The following MYOZ2 variants were observed in gnomAD, a reference collection of about 807,000 sequenced individuals.
The protein encoded by MYOZ2 is myozenin-2.
MYOZ2 carries 19 observed loss-of-function variants against 25.4 expected under a neutral mutation model. The ratio of observed to expected loss-of-function variants is 0.75; its 90% CI spans 0.52 to 1.10. MYOZ2 has a LOEUF of 1.10. Ranked by LOEUF, MYOZ2 falls within the 50% of genes least tolerant of loss-of-function variation. MYOZ2 has a pLI of 0.00. For synonymous variants in MYOZ2, 92 were observed against 106.9 expected, an observed-to-expected ratio of 0.86 and a Z score of 0.86; for missense variants, 270 against 317.9, an observed-to-expected ratio of 0.85 and a Z score of 1.15.
At chr4:119,173,224 G>C (rs1480639405) in intron 5 of MYOZ2, among the ~76,000 whole-genome samples, 1 of 152,170 alleles carries the variant, frequency 6.6e-6, no homozygotes, top group Non-Finnish European at 1.5e-5. Context: ...GAATCTGAAT[G>C]AAACAGGCTT....
intron 3 of MYOZ2, among the ~76,000 whole-genome samples, chr4:119,155,167 C>T (rs1333195236): frequency 2.0e-5 from 3 of 152,018 alleles, no homozygotes; most frequent in Admixed American, 6.6e-5. Context: ...CTAATTACTG[C>T]GAGGATGGCA....
chr4:119,187,180 A>G lies in MYOZ2; in HGVS notation c.*980A>G, dbSNP rs1742312080. 6.6e-6 allele frequency: 1 copy of G among 152,232 alleles called. No individual in the cohort carries two copies. Among genetic ancestry groups the G allele is most frequent in the African/African-American group, 2.4e-5 (1 of 41,462 alleles). 9.4% of individuals were successfully genotyped at this position (152,232 alleles called of 1,614,324 possible). On this transcript the variant is annotated 3_prime_UTR_variant, in exon 6 of 6. Transcript: ENST00000307128. ...TCTGAAAGCAATGTAGCACATATCT[A>G]TCGTAATATATGTAATATATTGACA... is the stretch of plus-strand genomic sequence containing the variant.
intron 5 of MYOZ2, among the ~76,000 whole-genome samples, chr4:119,175,897 G>A (rs1402652372): frequency 6.6e-6 from 1 of 152,102 alleles, no homozygotes; most frequent in African/African-American, 2.4e-5. Flanking sequence ...TGAACAAGGG[G>A]CATTGTGTTT....
chr4:119,183,935 C>T (rs1057388442), intron 5 of MYOZ2, among the ~76,000 whole-genome samples: 3 of 152,028 alleles, frequency 2.0e-5, no homozygotes, highest in African/African-American at 7.3e-5. Flanking sequence ...CTGCCTCAGC[C>T]TCCTGAGTAG....
intron 5 of MYOZ2, among the ~76,000 whole-genome samples, chr4:119,164,801 T>A (rs1741785345): frequency 6.6e-6 from 1 of 152,134 alleles, no homozygotes; most frequent in Non-Finnish European, 1.5e-5. Flanking sequence ...TAACTCCAGA[T>A]TCTATCTTAC....
intron 5 of MYOZ2, among the ~76,000 whole-genome samples, chr4:119,175,867 T>C (rs528309090): frequency 6.6e-6 from 1 of 152,322 alleles, no homozygotes; most frequent in South Asian, 2.1e-4. Flanking sequence ...TGTTTCTTTC[T>C]TCAAATTCCT....
intron 5 of MYOZ2, among the ~76,000 whole-genome samples, chr4:119,168,042 G>A (rs1214819118): frequency 1.3e-5 from 2 of 151,900 alleles, no homozygotes; most frequent in South Asian, 2.1e-4. Flanking sequence ...GTGTGATCTC[G>A]GCTCACTGCA....
At chr4:119,150,795 T>G in intron 2 of MYOZ2, 77 bp from the exon 3 acceptor site, 3 of 1,428,354 alleles carry the variant, frequency 2.1e-6, no homozygotes, top group Non-Finnish European at 2.9e-6. Flanking sequence ...GTGGTGGAAT[T>G]TTAGAATTAA....
rs113412599 is a variant in MYOZ2, at chr4:119,173,903, C to A, written c.560+9509C>A. Among the ~76,000 whole-genome samples, 10 of 152,346 alleles carry A rather than the reference C, an allele frequency of 6.6e-5. 1 individual carries two copies. Among genetic ancestry groups the A allele is most frequent in the Middle Eastern group, 3.4e-3 (1 of 294 alleles). ...GAGCAGCCAGCCAGCCCTGCCGGCC[C>A]GGGGCAATGAGGGACTTAGCACTCG... On this transcript the variant is annotated intron_variant, in intron 5 of 5. Coordinates refer to ENST00000307128, the MANE Select transcript of MYOZ2 (RefSeq NM_016599.5).
chr4:119,172,873 T>C (rs1741975779), intron 5 of MYOZ2, among the ~76,000 whole-genome samples: 1 of 152,212 alleles, frequency 6.6e-6, no homozygotes, highest in Non-Finnish European at 1.5e-5. Flanking sequence ...CTCTCACTGT[T>C]ATAATTTTCT....
chr4:119,138,375 A>G (rs980441300), intron 2 of MYOZ2, among the ~76,000 whole-genome samples: 3 of 151,888 alleles, frequency 2.0e-5, no homozygotes, highest in Non-Finnish European at 4.4e-5. Context: ...CCGCTCAAAT[A>G]TTTTTCTTCT....
intron 3 of MYOZ2, among the ~76,000 whole-genome samples, chr4:119,155,402 C>T (rs991503687): frequency 3.9e-5 from 6 of 151,924 alleles, no homozygotes; most frequent in South Asian, 2.1e-4. Flanking sequence ...AGAAAGAGCA[C>T]GAGAAGGTGG....
In MYOZ2 at chr4:119,151,045, G is replaced by A; in HGVS notation, c.246+4G>A. 1 of 1,604,456 alleles carries A rather than the reference G, an allele frequency of 6.2e-7. No homozygotes were observed. The highest frequency in any genetic ancestry group is 8.5e-7 in the Non-Finnish European group (1 of 1,171,572). ...TCAATCTAGAGCACAAATAAATGTA[G>A]GTATAACTTGAACAGGTAGTATCCA... On this transcript the variant is annotated splice_donor_region_variant and intron_variant, in intron 3 of 5. Coordinates refer to ENST00000307128, the MANE Select transcript of MYOZ2 (RefSeq NM_016599.5).
chr4:119,170,390 T>C lies in MYOZ2; in HGVS notation c.560+5996T>C, dbSNP rs28432928. On this transcript the variant is annotated intron_variant, in intron 5 of 5. Transcript: ENST00000307128. ...TAAAAGTCAAAATATTGACTACCAC[T>C]AGGGGCTAGAGGGTATTGTGATTGG... Among the ~76,000 whole-genome samples the C allele has an allele frequency of 3.9e-3, 593 of 152,110 alleles. 7 individuals are homozygous for C. Among genetic ancestry groups the C allele is most frequent in the African/African-American group, 0.014 (570 of 41,500 alleles).
intron 4 of MYOZ2, among the ~76,000 whole-genome samples, chr4:119,159,299 A>G (rs1008110823): frequency 1.3e-5 from 2 of 152,066 alleles, no homozygotes; most frequent in Non-Finnish European, 2.9e-5. Context: ...AAAAGAATTA[A>G]GCCCAGATCT....
At chr4:119,170,290 T>G (rs1454549955) in intron 5 of MYOZ2, among the ~76,000 whole-genome samples, 1 of 151,998 alleles carries the variant, frequency 6.6e-6, no homozygotes, top group African/African-American at 2.4e-5. Flanking sequence ...GTTGTTTTTT[T>G]TTTTTGTGGC....
intron 5 of MYOZ2, among the ~76,000 whole-genome samples, chr4:119,179,698 A>G (rs183668783): frequency 6.6e-6 from 1 of 152,336 alleles, no homozygotes; most frequent in African/African-American, 2.4e-5. Flanking sequence ...ACAGAAATTT[A>G]TTTCCTCACA....
intron 5 of MYOZ2, 37 bp from the exon 6 acceptor site, chr4:119,185,929 A>G: frequency 6.6e-7 from 1 of 1,514,756 alleles, no homozygotes; most frequent in Non-Finnish European, 9.1e-7. Flanking sequence ...AAATTTGAAT[A>G]TTAATTGAGA....
chr4:119,175,650 G>A (rs1742054313), intron 5 of MYOZ2, among the ~76,000 whole-genome samples: 1 of 152,008 alleles, frequency 6.6e-6, no homozygotes, highest in Non-Finnish European at 1.5e-5. Flanking sequence ...TACTTGGGAG[G>A]CTGAGGCAGG....
Sources: gnomAD v4.1 joint callset for allele counts (sites outside exome capture counted in the v4.1 genomes callset) on GRCh38, gnomAD v4.1.1 for gene constraint, MANE v1.5 for transcripts, NCBI Gene and HGNC (gene_info 2026-07-23, HGNC 2026-07-21) for gene names.